The following DMRT1 variants were observed in gnomAD, a reference collection of about 807,000 sequenced individuals.
DMRT1 encodes the protein doublesex- and mab-3-related transcription factor 1.
In DMRT1, 7 loss-of-function variants were observed where a neutral mutation model predicts 32.3. The observed-to-expected ratio is 0.22, with a 90% CI of 0.12 to 0.41. DMRT1 has a LOEUF of 0.41. Ranked by LOEUF, DMRT1 falls within the 10% of genes least tolerant of loss-of-function variation. The pLI is 1.00. For synonymous variants in DMRT1, 278 were observed against 206.1 expected (o/e 1.35, Z -2.99); for missense variants, 625 against 500.5 (o/e 1.25, Z -2.37).
At chr9:870,431 G>C (rs1003230857) in intron 2 of DMRT1, among the ~76,000 whole-genome samples, 4 of 137,218 alleles carry the variant, frequency 2.9e-5, no homozygotes, top group African/African-American at 5.0e-5. Context: ...CAACAACATA[G>C]CTCTGGTCGC....
At position 932,490 on chromosome 9, in the gene DMRT1, G is replaced by A. The variant is rs111407515; in HGVS notation, c.967+15583G>A. ...ATATGAAAAATAAACTTTTACTTTT[G>A]GAAGCACTTTGACATAGATCATTTT... is the stretch of plus-strand genomic sequence containing the variant. On this transcript the variant is annotated intron_variant, in intron 4 of 4. Coordinates refer to ENST00000382276, the MANE Select transcript of DMRT1 (RefSeq NM_021951.3). Among the ~76,000 whole-genome samples the A allele has an allele frequency of 6.1e-3, 922 of 152,250 alleles. 9 individuals carry two copies. The highest frequency in any genetic ancestry group is 0.021 in the African/African-American group (859 of 41,546).
At chr9:911,259 A>C (rs2129739327) in intron 3 of DMRT1, among the ~76,000 whole-genome samples, 1 of 152,230 alleles carries the variant, frequency 6.6e-6, no homozygotes, top group Middle Eastern at 3.4e-3. Flanking sequence ...AAGCGTCTCC[A>C]GATGTTGCCA....
chr9:938,274 A>T (rs959478221), intron 4 of DMRT1, among the ~76,000 whole-genome samples: 3 of 152,144 alleles, frequency 2.0e-5, no homozygotes, highest in African/African-American at 7.2e-5. Context: ...GGAATTCCAT[A>T]TGAATTTTAC....
chr9:907,217 A>T (rs1817807592), intron 3 of DMRT1, among the ~76,000 whole-genome samples: 1 of 152,190 alleles, frequency 6.6e-6, no homozygotes, highest in Admixed American at 6.5e-5. Flanking sequence ...TAAAAAATAC[A>T]ACCTTTTTAA....
intron 2 of DMRT1, among the ~76,000 whole-genome samples, chr9:851,189 T>C (rs942794933): frequency 4.6e-5 from 7 of 152,174 alleles, no homozygotes; most frequent in Non-Finnish European, 1.0e-4. Context: ...TAATACCTGA[T>C]GTCTAGTGTT....
At chr9:916,732 C>A in intron 3 of DMRT1, 31 bp from the exon 4 acceptor site, 1 of 1,612,854 alleles carries the variant, frequency 6.2e-7, no homozygotes, top group Non-Finnish European at 8.5e-7. Context: ...CAATGTTGAT[C>A]TCAGTATATT....
intron 2 of DMRT1, among the ~76,000 whole-genome samples, chr9:880,920 T>C (rs924728154): frequency 6.6e-6 from 1 of 152,120 alleles, no homozygotes; most frequent in Non-Finnish European, 1.5e-5. Flanking sequence ...AAGGAAGTTG[T>C]AGGCGAGGAC....
At chr9:867,748 T>G (rs1366989104) in intron 2 of DMRT1, among the ~76,000 whole-genome samples, 1 of 152,192 alleles carries the variant, frequency 6.6e-6, no homozygotes, top group African/African-American at 2.4e-5. Context: ...TGGGACCCAG[T>G]AGGTGGCCAG....
At chr9:861,469 C>T (rs890606728) in intron 2 of DMRT1, among the ~76,000 whole-genome samples, 1 of 152,196 alleles carries the variant, frequency 6.6e-6, no homozygotes, top group African/African-American at 2.4e-5. Flanking sequence ...CTGCTTCTTT[C>T]TACACAGACA....
At chr9:866,078 C>A (rs536850383) in intron 2 of DMRT1, among the ~76,000 whole-genome samples, 28 of 143,018 alleles carry the variant, frequency 2.0e-4, no homozygotes, top group African/African-American at 6.4e-4. Flanking sequence ...GCAGGAGAAT[C>A]GCTTGAACCC....
rs113724447 is a variant in DMRT1 at position 913,597 on chromosome 9, A to AT, written c.823-3151dup. Among the ~76,000 whole-genome samples the AT allele has an allele frequency of 5.1e-3, 742 of 146,650 alleles. 8 individuals are homozygous for AT. Among genetic ancestry groups the AT allele is most frequent in the African/African-American group, 0.014 (581 of 40,416 alleles). ...ACTGGATGGTTGTAAGCAACTGGTA[A>AT]TTTTTTTTTTTTTTTAAGCTGGGGC... On this transcript the variant is annotated intron_variant, in intron 3 of 4. Coordinates refer to ENST00000382276, the MANE Select transcript of DMRT1 (RefSeq NM_021951.3).
chr9:926,414 C>G (rs1301677730), intron 4 of DMRT1, among the ~76,000 whole-genome samples: 1 of 152,154 alleles, frequency 6.6e-6, no homozygotes, highest in Non-Finnish European at 1.5e-5. Flanking sequence ...AATATTTATT[C>G]TCTTTTTTCC....
chr9:862,250 G>T (rs927457173), intron 2 of DMRT1, among the ~76,000 whole-genome samples: 1 of 152,080 alleles, frequency 6.6e-6, no homozygotes, highest in Non-Finnish European at 1.5e-5. Flanking sequence ...CTGCACTCCC[G>T]GCACCTCGGG....
At chr9:890,894 T>A (rs1317970310) in intron 2 of DMRT1, among the ~76,000 whole-genome samples, 3 of 151,366 alleles carry the variant, frequency 2.0e-5, no homozygotes, top group Non-Finnish European at 4.4e-5. Flanking sequence ...CTAATTTTTT[T>A]TTGTATTTTT....
Position 894,195 on chromosome 9 carries a change from G to A in DMRT1, c.822G>A (p.Gln274=). 1 of 1,613,042 alleles carries A rather than the reference G, an allele frequency of 6.2e-7. No individual in the cohort carries two copies. The highest frequency in any genetic ancestry group is 8.5e-7 in the Non-Finnish European group (1 of 1,180,010). ...CTGGTCAGACAGGAAACCAGTGGCA[G>A]GTATGATATTAATTACCCAGAGAGT... is the stretch of plus-strand genomic sequence containing the variant. ...YVPGQTGNQW[Q]MKNMENRHAM... Residue 274 remains glutamine, a splice_region_variant and synonymous_variant, in exon 3 of 5, where the codon CAG becomes CAA. Transcript: ENST00000382276.
intron 4 of DMRT1, among the ~76,000 whole-genome samples, chr9:955,087 C>G (rs547661930): frequency 6.6e-5 from 10 of 152,240 alleles, no homozygotes; most frequent in African/African-American, 2.4e-4. Flanking sequence ...AATGTCCGTG[C>G]TCAGGGTTGG....
chr9:964,377 G>C (rs1460343540), intron 4 of DMRT1, among the ~76,000 whole-genome samples: 1 of 151,770 alleles, frequency 6.6e-6, no homozygotes, highest in African/African-American at 2.4e-5. Context: ...CAGTAGCTTC[G>C]GTAGACAAAT....
rs753778272 is a variant in DMRT1, at chr9:968,160, C to T, written c.*21C>T. The T allele has an allele frequency of 3.1e-6, 5 of 1,613,372 alleles. No homozygotes were observed. The highest frequency in any genetic ancestry group is 1.7e-5 in the Admixed American group (1 of 60,000). On this transcript the variant is annotated 3_prime_UTR_variant, in exon 5 of 5. Coordinates refer to ENST00000382276, the MANE Select transcript of DMRT1 (RefSeq NM_021951.3). Reference sequence around the variant, plus strand: ...AGTGAGCAGTGCCTGCTGCCGATGGCGGTTCACTTGGAGTAACAGGCTTAT... The same window carrying T: ...AGTGAGCAGTGCCTGCTGCCGATGGTGGTTCACTTGGAGTAACAGGCTTAT...
chr9:901,568 C>T (rs796663654), intron 3 of DMRT1, among the ~76,000 whole-genome samples: 1 of 152,136 alleles, frequency 6.6e-6, no homozygotes, highest in South Asian at 2.1e-4. Context: ...CTCAGGTGAT[C>T]CGCCTGCCTT....
Sources: gnomAD v4.1 joint callset for allele counts (sites outside exome capture counted in the v4.1 genomes callset) on GRCh38, gnomAD v4.1.1 for gene constraint, MANE v1.5 for transcripts, NCBI Gene and HGNC (gene_info 2026-07-23, HGNC 2026-07-21) for gene names.